The following DACH2 variants were observed in gnomAD, a reference collection of about 807,000 sequenced individuals.
The protein encoded by DACH2 is dachshund family transcription factor 2.
In DACH2, 17 loss-of-function variants were observed where a neutral mutation model predicts 35.8. The observed-to-expected ratio is 0.48, with a 90% confidence interval of 0.33 to 0.71. DACH2 has a LOEUF of 0.71. Ranked by LOEUF, DACH2 falls within the 30% of genes least tolerant of loss-of-function variation. DACH2 has a pLI of 0.02. For synonymous variants in DACH2, 195 were observed against 177.3 expected (o/e 1.10, Z -0.79); for missense variants, 469 against 472.7 (o/e 0.99, Z 0.07).
At chrX:86,292,714 G>T (rs1481755155) in intron 1 of DACH2, among the ~76,000 whole-genome samples, 1 of 111,628 alleles carries the variant, frequency 9.0e-6, no homozygotes, top group Admixed American at 9.6e-5. Context: ...AGGTTGTTCT[G>T]TTTCCATGTA....
At chrX:86,373,605 G>A (rs760085860) in intron 1 of DACH2, among the ~76,000 whole-genome samples, 9 of 110,609 alleles carry the variant, frequency 8.1e-5, no homozygotes, top group Non-Finnish European at 1.3e-4. Flanking sequence ...CTTCCTCTGC[G>A]ACTTTGGCCA....
At chrX:86,529,977 G>GCACACACACA (rs34621582) in intron 3 of DACH2, among the ~76,000 whole-genome samples, 18 of 84,244 alleles carry the variant, frequency 2.1e-4, no homozygotes, top group African/African-American at 8.5e-4. Flanking sequence ...ACACACACAC[G>GCACACACACA]CACACACACA....
In DACH2 at chrX:86,766,646, T is replaced by C. The variant is rs144713747; in HGVS notation, c.1240+26764T>C. ...ATACATTGCCATTTCATTCTTGCTATTGACTAAGTTTGAAAAAGTCTTACC... is the reference window on the plus strand; with the variant it reads ...ATACATTGCCATTTCATTCTTGCTACTGACTAAGTTTGAAAAAGTCTTACC... On this transcript the variant is annotated intron_variant, in intron 7 of 11. Transcript: ENST00000373125. 1.1e-3 allele frequency among the ~76,000 whole-genome samples: 128 copies of C among 112,265 alleles called. No homozygotes were observed. The Middle Eastern group carries it at 0.019, about 16-fold the overall frequency.
chrX:86,751,594 A>G (rs2041773686), intron 7 of DACH2, among the ~76,000 whole-genome samples: 1 of 111,626 alleles, frequency 9.0e-6, no homozygotes, highest in Non-Finnish European at 1.9e-5. Context: ...ATGCTACAAT[A>G]TAATTAGATT....
At chrX:86,589,108 A>G (rs747094785) in intron 3 of DACH2, among the ~76,000 whole-genome samples, 2 of 111,870 alleles carry the variant, frequency 1.8e-5, no homozygotes, top group South Asian at 3.7e-4. Context: ...TTGTCTTTCT[A>G]TTGAAGTGAT....
At chrX:86,747,681 G>GT (rs1187945795) in intron 7 of DACH2, among the ~76,000 whole-genome samples, 1 of 111,765 alleles carries the variant, frequency 8.9e-6, no homozygotes, top group Admixed American at 9.6e-5. Flanking sequence ...CTTTTTACTG[G>GT]TGGAGGGCCT....
chrX:86,630,678 G>T (rs1263302582), intron 3 of DACH2, among the ~76,000 whole-genome samples: 4 of 104,246 alleles, frequency 3.8e-5, no homozygotes, highest in Non-Finnish European at 8.0e-5. Context: ...TAATAGGAGT[G>T]TCTGAAGAGC....
intron 6 of DACH2, among the ~76,000 whole-genome samples, chrX:86,718,065 G>C (rs12353714): frequency 9.1e-6 from 1 of 110,142 alleles, no homozygotes; most frequent in East Asian, 2.8e-4. Context: ...TCTATTTATA[G>C]TTCTTTGAGA....
intron 2 of DACH2, among the ~76,000 whole-genome samples, chrX:86,383,482 C>A (rs951222046): frequency 4.8e-5 from 5 of 104,263 alleles, no homozygotes; most frequent in African/African-American, 1.7e-4. Context: ...CTGAACGAAG[C>A]CTTGGCAAAC....
chrX:86,493,228 G>T (rs1271461881), intron 2 of DACH2, among the ~76,000 whole-genome samples: 1 of 111,000 alleles, frequency 9.0e-6, no homozygotes, highest in East Asian at 2.8e-4. Flanking sequence ...AGTTAAATTT[G>T]ACAAATAAGA....
rs752756131 is a variant in DACH2 at position 86,469,961 on chromosome X, G to A, written c.528-44318G>A. Among the ~76,000 whole-genome samples, 3 of 108,842 alleles carry A rather than the reference G, an allele frequency of 2.8e-5. No homozygotes were observed. In the East Asian group the frequency reaches 8.7e-4, roughly 31 times the overall value. The allele number at this position is 108,842 out of a possible 115,157, so 94.5% of individuals were successfully genotyped here. A position where few individuals can be genotyped will look rare whatever the true frequency, so the allele number is the denominator to read the frequency against. On this transcript the variant is annotated intron_variant, in intron 2 of 11. Coordinates refer to ENST00000373125, the MANE Select transcript of DACH2 (RefSeq NM_053281.3). ...TAAATATTTGCCATATCCAACCATC[G>A]GAATGAAAATTTAGCAATCTGTTTC... is the stretch of plus-strand genomic sequence containing the variant.
chrX:86,489,591 T>G (rs2038066496), intron 2 of DACH2, among the ~76,000 whole-genome samples: 1 of 111,512 alleles, frequency 9.0e-6, no homozygotes, highest in Non-Finnish European at 1.9e-5. Flanking sequence ...CATTTCACAA[T>G]GTAAACATGT....
chrX:86,367,638 G>C (rs956383692), intron 1 of DACH2, among the ~76,000 whole-genome samples: 2 of 111,277 alleles, frequency 1.8e-5, no homozygotes, highest in African/African-American at 6.5e-5. Context: ...TCTCGAGAGG[G>C]GAAGTAATTT....
Position 86,816,076 on chromosome X carries a change from C to A in DACH2, c.1727C>A (p.Pro576His). 1 of 1,184,073 alleles carries A rather than the reference C, an allele frequency of 8.4e-7. No homozygotes were observed. The highest frequency in any genetic ancestry group is 1.1e-6 in the Non-Finnish European group (1 of 881,581). Residue 576 changes from proline (P) to histidine (H), a missense_variant, in exon 11 of 12, where the codon CCT becomes CAT. By Grantham distance (77) the Pro-to-His change is moderately conservative (BLOSUM62 -2). This residue lies in a region of DACH2 where 363 missense variants were observed against 334.4 expected (regional missense o/e 1.09). Transcript: ENST00000373125. ...ATTGAAATAGAAAACAATGGGACTC[C>A]TCATGATAGTGCTGCTATGCAAGGT... ...PDIEIENNGT[P>H]HDSAAMQGGN...
At chrX:86,345,538 G>GA (rs2035482158) in intron 1 of DACH2, 1 of 194,461 alleles carries the variant, frequency 5.1e-6, no homozygotes, top group Non-Finnish European at 9.6e-6. Context: ...AAAGATCAAT[G>GA]AAGTACAGAA....
At chrX:86,465,587 A>T (rs746766231) in intron 2 of DACH2, among the ~76,000 whole-genome samples, 1 of 111,859 alleles carries the variant, frequency 8.9e-6, no homozygotes, top group South Asian at 3.7e-4. Flanking sequence ...TCAATGTCCT[A>T]CGTTGAGCCT....
At chrX:86,475,684 TTG>T (rs1286069737) in intron 2 of DACH2, among the ~76,000 whole-genome samples, 3 of 111,946 alleles carry the variant, frequency 2.7e-5, no homozygotes, top group African/African-American at 9.7e-5. Context: ...TTTCTTTGTC[TTG>T]TCTCTTCACT....
At chrX:86,666,632 T>C (rs2040672587) in intron 4 of DACH2, among the ~76,000 whole-genome samples, 1 of 111,563 alleles carries the variant, frequency 9.0e-6, no homozygotes, top group African/African-American at 3.3e-5. Flanking sequence ...AGTTTTCTGA[T>C]GTGTAAAATA....
chrX:86,296,175 C>G (rs958091531), intron 1 of DACH2, among the ~76,000 whole-genome samples: 2 of 106,099 alleles, frequency 1.9e-5, no homozygotes, highest in East Asian at 6.0e-4. Context: ...GTCAGGAGAT[C>G]GAGACCATCC....
Sources: gnomAD v4.1 joint callset for allele counts (sites outside exome capture counted in the v4.1 genomes callset) on GRCh38, gnomAD v4.1.1 for gene constraint, gnomAD v4.1.1 regional missense constraint, MANE v1.5 for transcripts, NCBI Gene and HGNC (gene_info 2026-07-23, HGNC 2026-07-21) for gene names.